Variants in FOXP2 observed in about 807,000 individuals in gnomAD.
FOXP2 encodes the protein forkhead box protein P2.
FOXP2 carries 12 observed loss-of-function variants against 115.8 expected under a neutral mutation model. That is an observed-to-expected ratio of 0.10 (90% CI 0.07 to 0.17). FOXP2 has a LOEUF of 0.17. Among genes scored for constraint, FOXP2 ranks in the 10% least tolerant of loss-of-function variants. FOXP2 has a pLI of 1.00. For synonymous variants in FOXP2, 328 were observed against 297.7 expected (o/e 1.10, Z -1.05); for missense variants, 629 against 843.5 (o/e 0.75, Z 3.15).
chr7:114,599,151 C>A (rs754952453), intron 3 of FOXP2, among the ~76,000 whole-genome samples: 35 of 152,078 alleles, frequency 2.3e-4, no homozygotes, highest in Non-Finnish European at 2.8e-4. Flanking sequence ...TGTCTCATCT[C>A]CGACCTTGTG....
chr7:114,125,977 A>G (rs1476932308), intron 1 of FOXP2, among the ~76,000 whole-genome samples: 3 of 152,282 alleles, frequency 2.0e-5, no homozygotes, highest in South Asian at 2.1e-4. Context: ...GTTGCATTTC[A>G]TATGGATTCA....
At chr7:114,481,592 G>A (rs1796538579) in intron 2 of FOXP2, among the ~76,000 whole-genome samples, 1 of 151,318 alleles carries the variant, frequency 6.6e-6, no homozygotes, top group African/African-American at 2.4e-5. Flanking sequence ...TGACATTAAT[G>A]TGGACTTAAT....
chr7:114,206,326 A>T (rs1283614364), intron 1 of FOXP2, among the ~76,000 whole-genome samples: 1 of 152,008 alleles, frequency 6.6e-6, no homozygotes, highest in African/African-American at 2.4e-5. Context: ...CTGCAACATT[A>T]TTTTTGCTAC....
At chr7:114,159,005 T>G (rs995949475), upstream of FOXP2, among the ~76,000 whole-genome samples, 2 of 152,052 alleles carry the variant, frequency 1.3e-5, no homozygotes, top group Non-Finnish European at 2.9e-5. Context: ...GTAGGTACTT[T>G]GAATGTGAAG....
At chr7:114,540,464 AC>A (rs1394786679) in intron 3 of FOXP2, among the ~76,000 whole-genome samples, 2 of 152,048 alleles carry the variant, frequency 1.3e-5, no homozygotes, top group Non-Finnish European at 1.5e-5. Context: ...AGGAAAAAAA[AC>A]ATCCATTCAT....
At position 114,692,022 on chromosome 7, in the gene FOXP2, T is replaced by C; in HGVS notation, c.*2096T>C. 1 of 452,962 alleles carries C rather than the reference T, an allele frequency of 2.2e-6. No individual in the cohort carries two copies. Among genetic ancestry groups the C allele is most frequent in the Non-Finnish European group, 4.4e-6 (1 of 226,160 alleles). 28.1% of individuals were successfully genotyped at this position (452,962 alleles called of 1,614,324 possible). A position where few individuals can be genotyped will look rare whatever the true frequency, so the allele number is the denominator to read the frequency against. ...GAGAACGTCACAGTAACTGCTACTT[T>C]TCATTATGTTTGTCTTTGGGTCATG... On this transcript the variant is annotated 3_prime_UTR_variant, in exon 17 of 17. Transcript: ENST00000350908.
intron 2 of FOXP2, among the ~76,000 whole-genome samples, chr7:114,387,466 A>G (rs1317138699): frequency 6.6e-6 from 1 of 152,182 alleles, no homozygotes; most frequent in Non-Finnish European, 1.5e-5. Flanking sequence ...CCAAAGGAAA[A>G]CACATGATTG....
At chr7:114,478,094 G>A (rs1796367118) in intron 2 of FOXP2, among the ~76,000 whole-genome samples, 1 of 151,848 alleles carries the variant, frequency 6.6e-6, no homozygotes, top group African/African-American at 2.4e-5. Context: ...ATGTAGTAGA[G>A]TGTTTTTAAA....
intron 8 of FOXP2, among the ~76,000 whole-genome samples, chr7:114,648,976 T>C (rs1361026483): frequency 6.6e-6 from 1 of 152,094 alleles, no homozygotes; most frequent in East Asian, 1.9e-4. Context: ...AGAGCTTGCT[T>C]TGCTCTTATT....
At chr7:114,223,081 T>A (rs1018087756) in intron 1 of FOXP2, among the ~76,000 whole-genome samples, 5 of 152,164 alleles carry the variant, frequency 3.3e-5, no homozygotes, top group Non-Finnish European at 7.4e-5. Context: ...TCATATATAT[T>A]TGTTGGTACA....
intron 1 of FOXP2, among the ~76,000 whole-genome samples, chr7:114,205,879 C>T (rs1269159641): frequency 6.6e-6 from 1 of 152,138 alleles, no homozygotes; most frequent in South Asian, 2.1e-4. Context: ...AAGATAAGTC[C>T]TTCATCCCAG....
intron 2 of FOXP2, among the ~76,000 whole-genome samples, chr7:114,345,828 C>T (rs1038946429): frequency 6.6e-6 from 1 of 151,716 alleles, no homozygotes; most frequent in African/African-American, 2.4e-5. Context: ...AGTGGGACTA[C>T]TGTAGACTTA....
intron 1 of FOXP2, among the ~76,000 whole-genome samples, chr7:114,278,096 T>C (rs543853159): frequency 1.3e-4 from 20 of 149,552 alleles, no homozygotes; most frequent in African/African-American, 4.9e-4. Context: ...AATCAAATGA[T>C]GATGTAAGAA....
intron 3 of FOXP2, among the ~76,000 whole-genome samples, chr7:114,608,713 A>G (rs1803467375): frequency 6.6e-6 from 1 of 152,186 alleles, no homozygotes; most frequent in Non-Finnish European, 1.5e-5. Flanking sequence ...GAAGTAATAA[A>G]CTTGCAAAAA....
intron 3 of FOXP2, among the ~76,000 whole-genome samples, chr7:114,618,548 G>A (rs573252802): frequency 2.6e-5 from 4 of 152,094 alleles, no homozygotes; most frequent in African/African-American, 7.2e-5. Context: ...CTCAGACAAG[G>A]TTTGCCTGCT....
intron 1 of FOXP2, among the ~76,000 whole-genome samples, chr7:114,091,857 T>C (rs997002827): frequency 5.9e-5 from 9 of 151,986 alleles, no homozygotes; most frequent in African/African-American, 1.7e-4. Context: ...ACCTTTTGCA[T>C]TTTTTGATTA....
chr7:114,304,958 T>C (rs1796977475), intron 2 of FOXP2, among the ~76,000 whole-genome samples: 1 of 152,136 alleles, frequency 6.6e-6, no homozygotes, highest in Admixed American at 6.6e-5. Context: ...GCTAGATATA[T>C]CATATATTTT....
At chr7:114,430,181 T>A (rs1237843710) in intron 2 of FOXP2, among the ~76,000 whole-genome samples, 1 of 151,682 alleles carries the variant, frequency 6.6e-6, no homozygotes, top group Admixed American at 6.6e-5. Context: ...TTTATTTGCT[T>A]CCCCCTTAAC....
At chr7:114,491,383 T>G (rs1797044701) in intron 2 of FOXP2, among the ~76,000 whole-genome samples, 1 of 152,136 alleles carries the variant, frequency 6.6e-6, no homozygotes, top group South Asian at 2.1e-4. Flanking sequence ...TTTGTTTGAG[T>G]TCATTGTAGA....
Sources: allele counts gnomAD v4.1 joint callset (sites outside exome capture counted in the v4.1 genomes callset), GRCh38; gene constraint gnomAD v4.1.1; transcripts MANE v1.5; gene names NCBI Gene and HGNC (gene_info 2026-07-23, HGNC 2026-07-21).